GATAD2A: variants seen among roughly 807,000 people sequenced by gnomAD.
GATAD2A encodes GATA zinc finger domain containing 2A, also known as transcriptional repressor p66-alpha.
A neutral mutation model predicts 68.5 loss-of-function variants in GATAD2A; 12 were observed. The observed-to-expected ratio is 0.18, with a 90% CI of 0.11 to 0.28. GATAD2A has a LOEUF of 0.28. GATAD2A is among the 10% of genes least tolerant of loss of function. GATAD2A has a pLI of 1.00. For missense variants in GATAD2A, 755 were observed against 868.5 expected (o/e 0.87, Z 1.64); for synonymous variants, 410 against 375.3 (o/e 1.09, Z -1.07).
chr19:19,459,393 A>C (rs1413824829), intron 1 of GATAD2A, among the ~76,000 whole-genome samples: 1 of 151,054 alleles, frequency 6.6e-6, no homozygotes, highest in African/African-American at 2.4e-5. Flanking sequence ...AAACCATGTA[A>C]ATGGTACTAT....
intron 4 of GATAD2A, among the ~76,000 whole-genome samples, chr19:19,493,659 G>A (rs1344203190): frequency 2.0e-5 from 3 of 152,140 alleles, no homozygotes; most frequent in Non-Finnish European, 2.9e-5. Context: ...TGGGCAGCAG[G>A]AGCTGAAGGA....
At chr19:19,405,645 C>T (rs1014560447), upstream of GATAD2A, 10 of 150,342 alleles carry the variant, frequency 6.7e-5, no homozygotes, top group African/African-American at 2.2e-4. Flanking sequence ...GAGCTCCTCC[C>T]TTCTCGTCAG....
chr19:19,473,714 G>T (rs1306055215), intron 2 of GATAD2A, among the ~76,000 whole-genome samples: 1 of 150,398 alleles, frequency 6.6e-6, no homozygotes, highest in Non-Finnish European at 1.5e-5. Context: ...GAGGCGGGCA[G>T]ATCACGAGGT....
chr19:19,394,693 C>G (rs538247990), intron 1 of GATAD2A, among the ~76,000 whole-genome samples: 3 of 152,280 alleles, frequency 2.0e-5, no homozygotes, highest in Admixed American at 2.0e-4. Context: ...ATTCACCCAC[C>G]TCGGTCTCCC....
intron 1 of GATAD2A, among the ~76,000 whole-genome samples, chr19:19,445,226 T>C (rs1045684975): frequency 1.3e-5 from 2 of 152,004 alleles, no homozygotes; most frequent in Non-Finnish European, 2.9e-5. Context: ...GGCAGTGTGG[T>C]TGTTTGGGGT....
chr19:19,492,588 G>A lies in GATAD2A; in HGVS notation c.410G>A (p.Ser137Asn). The A allele has an allele frequency of 1.9e-6, 3 of 1,614,230 alleles. No individual in the cohort carries two copies. The highest frequency in any genetic ancestry group is 2.5e-6 in the Non-Finnish European group (3 of 1,180,038). ...TTCCTCTCGCCCCTGCAGAAAAGCAGTCCTGAAGAACGAGAAAGGATGATC... is the reference window on the plus strand; with the variant it reads ...TTCCTCTCGCCCCTGCAGAAAAGCAATCCTGAAGAACGAGAAAGGATGATC... The part of the protein sequence containing the change: ...ETSTEALMKS[S>N]PEERERMIKQ... Residue 137 changes from serine to asparagine, a missense_variant, in exon 4 of 12, where the codon AGT becomes AAT. Ser to Asn is a conservative substitution (Grantham distance 46). Coordinates refer to ENST00000683918, the MANE Select transcript of GATAD2A (RefSeq NM_001384528.1).
At chr19:19,391,811 G>A (rs1044119744) in intron 1 of GATAD2A, among the ~76,000 whole-genome samples, 29 of 152,200 alleles carry the variant, frequency 1.9e-4, no homozygotes, top group Admixed American at 3.3e-4. Context: ...GATAAAAACT[G>A]TTGATTTATG....
intron 1 of GATAD2A, among the ~76,000 whole-genome samples, chr19:19,386,494 AC>A (rs915415710): frequency 6.7e-6 from 1 of 148,734 alleles, no homozygotes; most frequent in Non-Finnish European, 1.5e-5. Context: ...TTTCTAGGGG[AC>A]TTTCTTCCCA....
At chr19:19,475,310 C>G (rs1472594433) in intron 2 of GATAD2A, among the ~76,000 whole-genome samples, 1 of 152,252 alleles carries the variant, frequency 6.6e-6, no homozygotes, top group Non-Finnish European at 1.5e-5. Flanking sequence ...TGGCTGCCTC[C>G]TACAGCCCTC....
At chr19:19,496,910 C>T (rs558368255) in intron 7 of GATAD2A, among the ~76,000 whole-genome samples, 13 of 152,156 alleles carry the variant, frequency 8.5e-5, no homozygotes, top group African/African-American at 2.4e-4. Flanking sequence ...CTTGCCCACC[C>T]TCCTCAGACA....
At chr19:19,441,616 C>T (rs1468867057) in intron 1 of GATAD2A, 1 of 168,216 alleles carries the variant, frequency 5.9e-6, no homozygotes, top group Non-Finnish European at 1.3e-5. Context: ...GGCTGAAGTG[C>T]AGTGGCGTGA....
chr19:19,502,730 C>T (rs2060620168), intron 11 of GATAD2A, among the ~76,000 whole-genome samples: 1 of 152,342 alleles, frequency 6.6e-6, no homozygotes, highest in South Asian at 2.1e-4. Context: ...GAAATAGTAA[C>T]CACCCTCACT....
At chr19:19,403,729 T>C (rs1408354150), upstream of GATAD2A, among the ~76,000 whole-genome samples, 1 of 152,172 alleles carries the variant, frequency 6.6e-6, no homozygotes, top group Non-Finnish European at 1.5e-5. Flanking sequence ...TGAGGAGCAG[T>C]GAGGTAATAG....
chr19:19,472,570 G>C (rs1338338500), intron 2 of GATAD2A: 1 of 150,732 alleles, frequency 6.6e-6, no homozygotes, highest in African/African-American at 2.5e-5. Context: ...CTGACCTCAG[G>C]TAATCCACCC....
chr19:19,451,734 A>G (rs2147827480), intron 1 of GATAD2A, among the ~76,000 whole-genome samples: 1 of 152,232 alleles, frequency 6.6e-6, no homozygotes, highest in Middle Eastern at 3.4e-3. Flanking sequence ...TGAAAACCAT[A>G]CTTTGTGGTT....
chr19:19,471,320 T>C (rs2058293350), intron 2 of GATAD2A, among the ~76,000 whole-genome samples: 1 of 151,704 alleles, frequency 6.6e-6, no homozygotes, highest in African/African-American at 2.4e-5. Context: ...GCTACCTCTA[T>C]ATACCAGATT....
rs187786064 is a variant in GATAD2A, at chr19:19,397,924, A to G, written c.-7+11786A>G. On this transcript the variant is annotated intron_variant, in intron 1 of 11. Transcript: ENST00000360315. ...TTAGTTAGTTAGTTAATTAGTTGAG[A>G]CAGAGTTTTGCTCTTGTTGCCCATG... Among the ~76,000 whole-genome samples, 33 of 152,288 alleles carry G rather than the reference A, an allele frequency of 2.2e-4. No homozygotes were observed. In the East Asian group the frequency reaches 6.2e-3, roughly 28 times the overall value.
At chr19:19,446,633 T>C (rs1015042293) in intron 1 of GATAD2A, among the ~76,000 whole-genome samples, 9 of 152,250 alleles carry the variant, frequency 5.9e-5, no homozygotes, top group Admixed American at 5.2e-4. Flanking sequence ...GTGTTTTTTC[T>C]TCTAAGAGTT....
chr19:19,504,299 A>G (rs918125596), intron 11 of GATAD2A, among the ~76,000 whole-genome samples: 4 of 152,206 alleles, frequency 2.6e-5, no homozygotes, highest in Non-Finnish European at 5.9e-5. Flanking sequence ...TAAAAATGAT[A>G]TTTGTCCATC....
Sources: allele counts gnomAD v4.1 joint callset (sites outside exome capture counted in the v4.1 genomes callset), GRCh38; gene constraint gnomAD v4.1.1; transcripts MANE v1.5; gene names NCBI Gene and HGNC (gene_info 2026-07-23, HGNC 2026-07-21).